PKD2L2: variants seen among roughly 807,000 people sequenced by gnomAD.
PKD2L2 encodes polycystin-2-like protein 2.
Under a neutral mutation model 83.9 loss-of-function variants are expected in PKD2L2, and 67 were observed. The observed-to-expected ratio is 0.80, with a 90% CI of 0.66 to 0.98. PKD2L2 has a LOEUF of 0.98. Among genes scored for constraint, PKD2L2 ranks in the 50% least tolerant of loss-of-function variants. The probability of loss-of-function intolerance (pLI) is 0.00; values close to 1 mark genes in which losing one functional copy is unlikely to be tolerated. For missense variants in PKD2L2, 632 were observed against 717.2 expected (o/e 0.88, Z 1.36); for synonymous variants, 223 against 237.8 (o/e 0.94, Z 0.57).
At chr5:137,938,582 A>G (rs762108592) in intron 14 of PKD2L2, 3 of 152,552 alleles carry the variant, frequency 2.0e-5, no homozygotes, top group Non-Finnish European at 2.9e-5. Context: ...AACCACACAA[A>G]AAGGGCAGGA....
chr5:137,905,627 A>G (rs1757304430), intron 5 of PKD2L2, among the ~76,000 whole-genome samples: 1 of 152,156 alleles, frequency 6.6e-6, no homozygotes, highest in African/African-American at 2.4e-5. Flanking sequence ...ATCTTTTTAT[A>G]TGTAGTGTTG....
chr5:137,916,640 C>A (rs574280057), intron 8 of PKD2L2, among the ~76,000 whole-genome samples: 65 of 151,762 alleles, frequency 4.3e-4, no homozygotes, highest in Admixed American at 9.9e-4. Context: ...CCACCACACC[C>A]GGCTAATTTT....
Position 137,912,864 on chromosome 5 carries a change from G to A in PKD2L2, c.1328+3918G>A, listed in dbSNP as rs184695529. ...TTGTTGCCCAGGCTGGAGCGCAATG[G>A]TGTGATCTCAGCTCACTGCAACCTC... On this transcript the variant is annotated intron_variant, in intron 8 of 14. Coordinates refer to ENST00000508883, the MANE Select transcript of PKD2L2 (RefSeq NM_001300921.2). 4.5e-3 allele frequency among the ~76,000 whole-genome samples: 637 copies of A among 142,468 alleles called. 2 individuals carry two copies. Among genetic ancestry groups the A allele is most frequent in the Middle Eastern group, 0.012 (3 of 244 alleles). The allele number at this position is 142,468 out of a possible 152,430, so 93.5% of individuals were successfully genotyped here.
chr5:137,923,378 C>G, intron 9 of PKD2L2, 42 bp from the exon 10 acceptor site: 1 of 959,622 alleles, frequency 1.0e-6, no homozygotes, highest in Non-Finnish European at 1.6e-6. Context: ...AACATTTAAA[C>G]TAAATTTTTA....
chr5:137,914,913 G>A (rs557421950), intron 8 of PKD2L2, among the ~76,000 whole-genome samples: 1 of 152,050 alleles, frequency 6.6e-6, no homozygotes, highest in South Asian at 2.1e-4. Flanking sequence ...TTTTTTAAAT[G>A]TGTATCACAT....
chr5:137,896,634 A>G (rs1756491966), intron 4 of PKD2L2, among the ~76,000 whole-genome samples: 1 of 152,070 alleles, frequency 6.6e-6, no homozygotes, highest in Non-Finnish European at 1.5e-5. Flanking sequence ...CTGGTCTCAA[A>G]TTCCTGGCCT....
intron 14 of PKD2L2, chr5:137,939,867 AAACAAAAAGTTGGTAAT>A: frequency 7.5e-7 from 1 of 1,327,588 alleles, no homozygotes; most frequent in Non-Finnish European, 9.6e-7. Context: ...CAGTAATGAG[AAACAAAAAGTTGGTAAT>A]AACAAAAAGC....
chr5:137,906,564 T>G, intron 6 of PKD2L2, 130 bp downstream of exon 6: 2 of 572,236 alleles, frequency 3.5e-6, no homozygotes, highest in Non-Finnish European at 6.1e-6. Context: ...AAACATAAAA[T>G]GTACTGGGAA....
At position 137,895,810 on chromosome 5, in the gene PKD2L2, G is replaced by A. The variant is rs181101650; in HGVS notation, c.524+1201G>A. 4.4e-4 allele frequency among the ~76,000 whole-genome samples: 67 copies of A among 150,630 alleles called. 1 individual carries two copies. Among genetic ancestry groups the A allele is most frequent in the African/African-American group, 1.5e-3 (63 of 40,922 alleles). On this transcript the variant is annotated intron_variant, in intron 4 of 14. Coordinates refer to ENST00000508883, the MANE Select transcript of PKD2L2 (RefSeq NM_001300921.2). ...CAAGAATCACTTGAACCCAGAAGGC[G>A]AAGGTTGTGGTGAACTGAGATCATG...
At chr5:137,927,130 C>T (rs867769524) in intron 12 of PKD2L2, among the ~76,000 whole-genome samples, 3 of 152,112 alleles carry the variant, frequency 2.0e-5, no homozygotes, top group Non-Finnish European at 4.4e-5. Flanking sequence ...ATGAATGAGA[C>T]GTTTACAGAC....
chr5:137,908,750 T>G lies in PKD2L2; in HGVS notation c.1147-15T>G. The stretch of plus-strand genomic sequence containing the variant: ...TTGATATTCTCCTATTTCAATTAAC[T>G]TTGTTCTTTTTCAGATATTCAAATT... On this transcript the variant is annotated splice_polypyrimidine_tract_variant and intron_variant, in intron 7 of 14. Transcript: ENST00000508883. The G allele has an allele frequency of 7.3e-7, 1 of 1,364,766 alleles. No individual in the cohort carries two copies. The highest frequency in any genetic ancestry group is 1.0e-6 in the Non-Finnish European group (1 of 981,040). 84.5% of individuals were successfully genotyped at this position (1,364,766 alleles called of 1,614,324 possible).
At chr5:137,932,785 C>T (rs1235888556) in intron 12 of PKD2L2, among the ~76,000 whole-genome samples, 2 of 152,088 alleles carry the variant, frequency 1.3e-5, no homozygotes, top group Non-Finnish European at 2.9e-5. Flanking sequence ...CTACTGGTTC[C>T]GCATTCCTAA....
intron 12 of PKD2L2, among the ~76,000 whole-genome samples, chr5:137,935,310 T>C (rs918577285): frequency 1.3e-5 from 2 of 152,142 alleles, no homozygotes; most frequent in Non-Finnish European, 2.9e-5. Flanking sequence ...TTTGGATACG[T>C]AGACAGACTG....
intron 14 of PKD2L2, among the ~76,000 whole-genome samples, chr5:137,937,778 T>C (rs1028883839): frequency 2.0e-5 from 3 of 152,202 alleles, no homozygotes; most frequent in African/African-American, 7.2e-5. Context: ...ATGAACAACA[T>C]GGCCTTTCCC....
chr5:137,930,238 A>ATT, intron 12 of PKD2L2, among the ~76,000 whole-genome samples: 1 of 152,342 alleles, frequency 6.6e-6, no homozygotes, highest in South Asian at 2.1e-4. Flanking sequence ...CCACAAGGAA[A>ATT]TCCTCAATAC....
chr5:137,914,136 C>T (rs770135592), intron 8 of PKD2L2, among the ~76,000 whole-genome samples: 3 of 146,906 alleles, frequency 2.0e-5, no homozygotes, highest in Middle Eastern at 3.5e-3. Flanking sequence ...GAGACTCATC[C>T]GTCTTGGCCT....
intron 5 of PKD2L2, among the ~76,000 whole-genome samples, chr5:137,905,297 C>T (rs189451894): frequency 7.4e-4 from 112 of 152,234 alleles, no homozygotes; most frequent in South Asian, 4.6e-3. Context: ...CGTTTATTTT[C>T]GTTTTTGTAC....
chr5:137,902,614 G>T (rs1050954526), intron 5 of PKD2L2, among the ~76,000 whole-genome samples: 2 of 152,046 alleles, frequency 1.3e-5, no homozygotes, highest in African/African-American at 2.4e-5. Flanking sequence ...AATTAGCATG[G>T]TCCATGTTAG....
At position 137,911,199 on chromosome 5, in the gene PKD2L2, CTG is replaced by C. The variant is rs745900318; in HGVS notation, c.1328+2255_1328+2256del. Among the ~76,000 whole-genome samples the C allele has an allele frequency of 1.9e-4, 29 of 152,288 alleles. No individual in the cohort carries two copies. The Middle Eastern group carries it at 0.01, about 54-fold the overall frequency. ...TGATTTTGATTACTCTAGGTACCAC[CTG>C]TAAGTGGAATCATATGTTATTTGTC... On this transcript the variant is annotated intron_variant, in intron 8 of 14. Transcript: ENST00000508883.
Sources: allele counts gnomAD v4.1 joint callset (sites outside exome capture counted in the v4.1 genomes callset), GRCh38; gene constraint gnomAD v4.1.1; transcripts MANE v1.5; gene names NCBI Gene and HGNC (gene_info 2026-07-23, HGNC 2026-07-21).